The following SCML2 variants were observed in gnomAD, a reference collection of about 807,000 sequenced individuals.
SCML2 encodes sex comb on midleg-like protein 2.
A neutral mutation model predicts 48.4 loss-of-function variants in SCML2; 6 were observed. That is an observed-to-expected ratio of 0.12 (90% CI 0.07 to 0.24). The LOEUF (loss-of-function observed/expected upper bound fraction) is 0.24, where lower values mean the gene tolerates loss of function less well. Among genes scored for constraint, SCML2 ranks in the 10% least tolerant of loss-of-function variants. The probability of loss-of-function intolerance (pLI) is 1.00; values close to 1 mark genes in which losing one functional copy is unlikely to be tolerated. For synonymous variants in SCML2, 181 were observed against 189.5 expected (o/e 0.95, Z 0.37); for missense variants, 377 against 528.2 (o/e 0.71, Z 2.81).
Position 18,305,071 on chromosome X carries a change from C to G in SCML2, c.631G>C (p.Gly211Arg), listed in dbSNP as rs1322165728. 8.3e-7 allele frequency: 1 copy of G among 1,211,286 alleles called. No individual in the cohort carries two copies. The highest frequency in any genetic ancestry group is 1.1e-6 in the Non-Finnish European group (1 of 895,347). ...EVHITFDGWS[G>R]AFDYWCKYDS... is the part of the protein sequence containing the mutation. ...TACTTGCACCAGTAATCAAAAGCTC[C>G]ACTCCAGCCATCAAATGTGATATGA... The change falls in exon 7 of 15, where the codon GGA (glycine) becomes CGA (arginine). Residue 211 changes from glycine to arginine, a missense_variant. Transcript: ENST00000251900.
rs769028124 is a variant in SCML2 at position 18,346,682 on chromosome X, G to A, written c.-25+7910C>T. 3.6e-5 allele frequency among the ~76,000 whole-genome samples: 4 copies of A among 112,067 alleles called. No homozygotes were observed. The South Asian group carries it at 1.1e-3, about 31-fold the overall frequency. ...CTTTTAGACTTGAACAAACAAAAAC[G>A]CTGTCCTTTATTGTGAAGGGGAAGG... On this transcript the variant is annotated intron_variant, in intron 1 of 14. Transcript: ENST00000251900.
chrX:18,320,289 A>G (rs1383003394), intron 6 of SCML2, 43 bp downstream of exon 6: 1 of 820,033 alleles, frequency 1.2e-6, no homozygotes, highest in South Asian at 3.0e-5. Context: ...CATTCCCACT[A>G]AAACAATAAA....
At chrX:18,259,644 C>G (rs1359250443) in intron 9 of SCML2, among the ~76,000 whole-genome samples, 1 of 111,391 alleles carries the variant, frequency 9.0e-6, no homozygotes, top group East Asian at 2.8e-4. Flanking sequence ...AATTAAAAAT[C>G]AGAAATAATA....
chrX:18,313,004 TGTGC>T (rs1465300281), intron 6 of SCML2, among the ~76,000 whole-genome samples: 2 of 90,453 alleles, frequency 2.2e-5, no homozygotes, highest in East Asian at 7.0e-4. Flanking sequence ...TGTGTGTGTG[TGTGC>T]GCGTGTGTGT....
intron 6 of SCML2, among the ~76,000 whole-genome samples, chrX:18,311,332 G>C (rs1928941501): frequency 1.8e-5 from 2 of 112,139 alleles, no homozygotes; most frequent in African/African-American, 6.5e-5. Flanking sequence ...TTACATGCTA[G>C]TGAGGAGAGA....
chrX:18,304,907 C>T, intron 7 of SCML2, 65 bp downstream of exon 7: 1 of 1,134,434 alleles, frequency 8.8e-7, no homozygotes, highest in East Asian at 3.0e-5. Context: ...AATCACAATG[C>T]CACCAATGAC....
chrX:18,250,845 A>G (rs756089655), intron 11 of SCML2, among the ~76,000 whole-genome samples: 3 of 111,259 alleles, frequency 2.7e-5, no homozygotes, highest in Non-Finnish European at 5.7e-5. Context: ...AAGAGGCTTA[A>G]TAGACTCACA....
intron 7 of SCML2, among the ~76,000 whole-genome samples, chrX:18,291,966 A>C (rs1299219257): frequency 9.0e-6 from 1 of 111,605 alleles, no homozygotes; most frequent in African/African-American, 3.2e-5. Flanking sequence ...TTTATGACAC[A>C]GCGTTGATAT....
At chrX:18,277,258 A>T (rs1453579286) in intron 7 of SCML2, among the ~76,000 whole-genome samples, 1 of 110,903 alleles carries the variant, frequency 9.0e-6, no homozygotes, top group Admixed American at 9.6e-5. Context: ...TTTTGAAGAG[A>T]CAGAGTTTCA....
chrX:18,346,520 T>C (rs1930205513), intron 1 of SCML2, among the ~76,000 whole-genome samples: 1 of 112,185 alleles, frequency 8.9e-6, no homozygotes, highest in Non-Finnish European at 1.9e-5. Flanking sequence ...ACAAATACGT[T>C]TGCTGGTGTT....
chrX:18,292,577 T>C (rs1358526506), intron 7 of SCML2, among the ~76,000 whole-genome samples: 1 of 110,670 alleles, frequency 9.0e-6, no homozygotes, highest in East Asian at 2.8e-4. Context: ...CAAACGAAAA[T>C]TGTCATTTTA....
At chrX:18,274,216 G>T (rs922877089) in intron 7 of SCML2, among the ~76,000 whole-genome samples, 6 of 111,643 alleles carry the variant, frequency 5.4e-5, no homozygotes, top group African/African-American at 2.0e-4. Flanking sequence ...CCTAGATGCT[G>T]CCATGGGGCC....
Position 18,333,276 on chromosome X carries a change from C to CA in SCML2, c.22+773dup, listed in dbSNP as rs1031640025. Among the ~76,000 whole-genome samples, 30 of 106,064 alleles carry CA rather than the reference C, an allele frequency of 2.8e-4. No homozygotes were observed. In the South Asian group the frequency reaches 9.9e-3, roughly 35 times the overall value. 92.1% of individuals were successfully genotyped at this position (106,064 alleles called of 115,157 possible). ...TGGACAACAGAGCAAAACCCTGTCT[C>CA]AAAAAAAAATAAAAATAAAAATTTA... On this transcript the variant is annotated intron_variant, in intron 2 of 14. Coordinates refer to ENST00000251900, the MANE Select transcript of SCML2 (RefSeq NM_006089.3).
At chrX:18,339,205 T>A (rs1929935318) in intron 1 of SCML2, among the ~76,000 whole-genome samples, 1 of 111,799 alleles carries the variant, frequency 8.9e-6, no homozygotes, top group Non-Finnish European at 1.9e-5. Flanking sequence ...AAATTGCTCT[T>A]ATATTAAGCT....
At position 18,245,808 on chromosome X, in the gene SCML2, C is replaced by T. The variant is rs188035109; in HGVS notation, c.1822+769G>A. Among the ~76,000 whole-genome samples the T allele has an allele frequency of 3.7e-4, 41 of 111,938 alleles. No homozygotes were observed. The East Asian group carries it at 5.6e-3, about 15-fold the overall frequency. ...AGGCTGGAATGCAATGGCGCAATCT[C>T]GGCTCACTGCAACCTCTGCCTCCCG... On this transcript the variant is annotated intron_variant, in intron 13 of 14. Transcript: ENST00000251900.
At chrX:18,246,019 G>A (rs1442821569) in intron 13 of SCML2, among the ~76,000 whole-genome samples, 2 of 112,518 alleles carry the variant, frequency 1.8e-5, no homozygotes, top group Non-Finnish European at 3.8e-5. Context: ...GATTACAGGT[G>A]TGAGCCACCC....
At chrX:18,304,609 G>T in intron 7 of SCML2, among the ~76,000 whole-genome samples, 1 of 112,019 alleles carries the variant, frequency 8.9e-6, no homozygotes, top group East Asian at 2.8e-4. Flanking sequence ...ATATCTTTGA[G>T]ATATGAACAA....
At chrX:18,315,593 G>A (rs1228469925) in intron 6 of SCML2, among the ~76,000 whole-genome samples, 1 of 111,197 alleles carries the variant, frequency 9.0e-6, no homozygotes, top group Non-Finnish European at 1.9e-5. Flanking sequence ...GACCATAGAG[G>A]AGGGGCTCTC....
intron 6 of SCML2, among the ~76,000 whole-genome samples, chrX:18,315,101 C>CAA (rs761378739): frequency 6.4e-4 from 15 of 23,443 alleles, no homozygotes; most frequent in Non-Finnish European, 7.4e-4. Context: ...TCTGTCTCAC[C>CAA]AAAAAAAAAA....
Sources: gnomAD v4.1 joint callset for allele counts (sites outside exome capture counted in the v4.1 genomes callset) on GRCh38, gnomAD v4.1.1 for gene constraint, MANE v1.5 for transcripts, NCBI Gene and HGNC (gene_info 2026-07-23, HGNC 2026-07-21) for gene names.